The following AGBL4 variants were observed in gnomAD, a reference collection of about 807,000 sequenced individuals.
The protein encoded by AGBL4 is AGBL carboxypeptidase 4.
A neutral mutation model predicts 66.4 loss-of-function variants in AGBL4; 58 were observed. The observed-to-expected ratio is 0.87, with a 90% confidence interval of 0.71 to 1.09. The LOEUF (loss-of-function observed/expected upper bound fraction) is 1.09. Ranked by LOEUF, AGBL4 falls within the 50% of genes least tolerant of loss-of-function variation. The pLI is 0.00. For synonymous variants in AGBL4, 234 were observed against 222.9 expected (o/e 1.05, Z -0.44); for missense variants, 579 against 631.0 (o/e 0.92, Z 0.88).
chr1:49,704,188 C>T (rs74709150), intron 2 of AGBL4, among the ~76,000 whole-genome samples: 4,650 of 151,904 alleles, frequency 0.031, 94 homozygotes, highest in Non-Finnish European at 0.047. Context: ...CTACATTGTA[C>T]GCAAAAATGT....
At chr1:49,825,913 T>C (rs974976967) in intron 2 of AGBL4, among the ~76,000 whole-genome samples, 2 of 151,788 alleles carry the variant, frequency 1.3e-5, no homozygotes, top group Non-Finnish European at 2.9e-5. Context: ...CTGACAAACA[T>C]ACTAAAGAAC....
At chr1:49,892,282 G>T (rs1308402901) in intron 1 of AGBL4, among the ~76,000 whole-genome samples, 1 of 152,064 alleles carries the variant, frequency 6.6e-6, no homozygotes, top group Non-Finnish European at 1.5e-5. Flanking sequence ...AAATCTATCT[G>T]CCTTTCTCTG....
chr1:49,512,317 G>T (rs967918476), intron 3 of AGBL4, among the ~76,000 whole-genome samples: 6 of 151,948 alleles, frequency 3.9e-5, no homozygotes, highest in Non-Finnish European at 8.8e-5. Flanking sequence ...CCAGCTATTT[G>T]AGCATCTGCT....
chr1:49,068,856 A>C (rs550647591), intron 4 of AGBL4, among the ~76,000 whole-genome samples: 1 of 152,258 alleles, frequency 6.6e-6, no homozygotes, highest in East Asian at 1.9e-4. Flanking sequence ...AACAGTGTAA[A>C]AGTGTTCCTA....
chr1:49,647,433 C>G (rs983053517), intron 3 of AGBL4, among the ~76,000 whole-genome samples: 1 of 152,072 alleles, frequency 6.6e-6, no homozygotes, highest in African/African-American at 2.4e-5. Context: ...AGTGCCAGTG[C>G]AGGAAAACCT....
intron 3 of AGBL4, among the ~76,000 whole-genome samples, chr1:49,279,542 T>G (rs1224448745): frequency 6.6e-6 from 1 of 151,532 alleles, no homozygotes; most frequent in Non-Finnish European, 1.5e-5. Flanking sequence ...GGGGGACAGT[T>G]GGGCTGGGAA....
At chr1:48,675,907 C>T (rs1271756549) in intron 6 of AGBL4, among the ~76,000 whole-genome samples, 1 of 152,208 alleles carries the variant, frequency 6.6e-6, no homozygotes, top group Non-Finnish European at 1.5e-5. Flanking sequence ...CATGCCATCA[C>T]CAGCGAATGG....
intron 3 of AGBL4, among the ~76,000 whole-genome samples, chr1:49,412,505 T>C (rs1645337248): frequency 6.6e-6 from 1 of 152,118 alleles, no homozygotes; most frequent in East Asian, 1.9e-4. Context: ...AAACAACCAG[T>C]CCCTGTATAA....
At chr1:49,336,558 T>C (rs1645440937) in intron 3 of AGBL4, among the ~76,000 whole-genome samples, 1 of 152,244 alleles carries the variant, frequency 6.6e-6, no homozygotes, top group Non-Finnish European at 1.5e-5. Flanking sequence ...CCCCTTAAGA[T>C]GTATTTATTT....
chr1:49,367,533 C>T (rs1644262438), intron 3 of AGBL4, among the ~76,000 whole-genome samples: 1 of 152,146 alleles, frequency 6.6e-6, no homozygotes, highest in African/African-American at 2.4e-5. Flanking sequence ...AATTACTCAG[C>T]CTCAGGTATC....
intron 3 of AGBL4, among the ~76,000 whole-genome samples, chr1:49,618,351 C>CACAGGCAAATTCTA (rs1489109438): frequency 2.3e-5 from 3 of 132,008 alleles, no homozygotes; most frequent in Non-Finnish European, 5.5e-5. Context: ...GATGTATAAT[C>CACAGGCAAATTCTA]CTTTGGGTAT....
At chr1:49,413,874 T>C (rs1645371649) in intron 3 of AGBL4, among the ~76,000 whole-genome samples, 1 of 152,134 alleles carries the variant, frequency 6.6e-6, no homozygotes, top group African/African-American at 2.4e-5. Context: ...AACAGGTCAT[T>C]TTATCTCTGA....
chr1:49,475,604 T>C (rs1646830988), intron 3 of AGBL4, among the ~76,000 whole-genome samples: 1 of 152,030 alleles, frequency 6.6e-6, no homozygotes, highest in South Asian at 2.1e-4. Context: ...TTCAGTTTTA[T>C]TACTCATTAT....
At chr1:48,904,344 GAA>G (rs1380108167) in intron 5 of AGBL4, among the ~76,000 whole-genome samples, 1 of 152,156 alleles carries the variant, frequency 6.6e-6, no homozygotes, top group African/African-American at 2.4e-5. Context: ...ATCTATGAAA[GAA>G]ACAACTATGG....
At chr1:48,987,086 C>T (rs996044964) in intron 5 of AGBL4, among the ~76,000 whole-genome samples, 3 of 151,430 alleles carry the variant, frequency 2.0e-5, no homozygotes, top group Admixed American at 1.3e-4. Context: ...ACTCCATAAC[C>T]ATAACCATAA....
At chr1:49,799,043 A>G (rs539423197) in intron 2 of AGBL4, among the ~76,000 whole-genome samples, 62 of 152,194 alleles carry the variant, frequency 4.1e-4, no homozygotes, top group Non-Finnish European at 8.5e-4. Flanking sequence ...AAATAAAATA[A>G]TAATAATGTT....
intron 1 of AGBL4, among the ~76,000 whole-genome samples, chr1:49,938,566 C>T (rs1381386271): frequency 6.6e-6 from 1 of 152,168 alleles, no homozygotes; most frequent in Non-Finnish European, 1.5e-5. Flanking sequence ...AAACCAATAT[C>T]CTTGATGAAC....
chr1:48,884,363 C>A (rs562496654), intron 5 of AGBL4, among the ~76,000 whole-genome samples: 1 of 149,198 alleles, frequency 6.7e-6, no homozygotes, highest in South Asian at 2.1e-4. Context: ...GGATTCAAAC[C>A]CAAGTCTCAC....
intron 3 of AGBL4, among the ~76,000 whole-genome samples, chr1:49,405,893 A>T (rs1418554311): frequency 1.3e-5 from 2 of 152,236 alleles, no homozygotes; most frequent in East Asian, 3.9e-4. Flanking sequence ...ACTCAATGTC[A>T]TAATATCTGC....
Sources: allele counts gnomAD v4.1 joint callset (sites outside exome capture counted in the v4.1 genomes callset), GRCh38; gene constraint gnomAD v4.1.1; transcripts MANE v1.5; gene names NCBI Gene and HGNC (gene_info 2026-07-23, HGNC 2026-07-21).